The following NTRK3 variants were observed in gnomAD, a reference collection of about 807,000 sequenced individuals.
NTRK3 encodes neurotrophic receptor tyrosine kinase 3.
A neutral mutation model predicts 91.7 loss-of-function variants in NTRK3; 24 were observed. That is an observed-to-expected ratio of 0.26 (90% CI 0.19 to 0.37). NTRK3 has a LOEUF of 0.37. NTRK3 is among the 10% of genes least tolerant of loss of function. The pLI is 1.00. For synonymous variants in NTRK3, 483 were observed against 404.0 expected (o/e 1.20, Z -2.34); for missense variants, 880 against 1,068.9 (o/e 0.82, Z 2.46).
intron 13 of NTRK3, among the ~76,000 whole-genome samples, chr15:88,045,591 C>G (rs2080099529): frequency 6.6e-6 from 1 of 152,216 alleles, no homozygotes; most frequent in African/African-American, 2.4e-5. Context: ...CACAACAAAA[C>G]ACAAACTAGG....
chr15:87,915,845 C>G (rs2067409885), intron 17 of NTRK3, among the ~76,000 whole-genome samples: 1 of 151,850 alleles, frequency 6.6e-6, no homozygotes, highest in Non-Finnish European at 1.5e-5. Flanking sequence ...GATGAGGAAT[C>G]TAAGTCTTAG....
chr15:87,908,559 C>A (rs2066906717), intron 17 of NTRK3: 3 of 399,154 alleles, frequency 7.5e-6, no homozygotes, highest in Non-Finnish European at 1.3e-5. Flanking sequence ...CTGGCATGGC[C>A]CTTCCTGACA....
chr15:88,098,015 G>A (rs1250558283), intron 13 of NTRK3, among the ~76,000 whole-genome samples: 1 of 152,178 alleles, frequency 6.6e-6, no homozygotes, highest in Admixed American at 6.5e-5. Context: ...TGCAAAGGAT[G>A]TTTTATTCTA....
chr15:87,911,817 C>T (rs1405887688), intron 17 of NTRK3, among the ~76,000 whole-genome samples: 4 of 152,126 alleles, frequency 2.6e-5, no homozygotes, highest in Non-Finnish European at 5.9e-5. Flanking sequence ...GAAATGTCTA[C>T]CATATATCAT....
chr15:88,061,594 C>T (rs1241773383), intron 13 of NTRK3, among the ~76,000 whole-genome samples: 1 of 152,240 alleles, frequency 6.6e-6, no homozygotes, highest in Non-Finnish European at 1.5e-5. Context: ...GATGGGCCCA[C>T]GGACACTCAC....
chr15:88,030,122 T>G (rs2078392798), intron 14 of NTRK3, among the ~76,000 whole-genome samples: 1 of 152,216 alleles, frequency 6.6e-6, no homozygotes, highest in Admixed American at 6.5e-5. Context: ...TCTGGAGTCA[T>G]CTCATGATTT....
chr15:88,112,064 G>A (rs991378049), intron 13 of NTRK3, among the ~76,000 whole-genome samples: 3 of 151,950 alleles, frequency 2.0e-5, no homozygotes, highest in South Asian at 2.1e-4. Context: ...CCGCCACCAC[G>A]CCCAGCTAAT....
At position 88,186,325 on chromosome 15, in the gene NTRK3, T is replaced by G. The variant is rs148253645; in HGVS notation, c.249-2026A>C. 1.7e-3 allele frequency among the ~76,000 whole-genome samples: 262 copies of G among 152,316 alleles called. 2 individuals carry two copies. The highest frequency in any genetic ancestry group is 3.0e-3 in the Non-Finnish European group (204 of 68,020). On this transcript the variant is annotated intron_variant, in intron 3 of 18. Transcript: ENST00000394480. ...GTTGAGTTGTCAATCATTACCATGT[T>G]CTCAAGCCTTACCCTTCTCAGCCCT...
At chr15:87,893,988 T>C (rs2065977102) in intron 17 of NTRK3, among the ~76,000 whole-genome samples, 1 of 152,254 alleles carries the variant, frequency 6.6e-6, no homozygotes, top group African/African-American at 2.4e-5. Context: ...CATATGTTAA[T>C]GATAAATGGT....
chr15:88,120,412 C>A (rs150920322), intron 13 of NTRK3, among the ~76,000 whole-genome samples: 2 of 152,182 alleles, frequency 1.3e-5, no homozygotes, highest in South Asian at 2.1e-4. Context: ...AGTGCTCATC[C>A]GCAGGCCCAT....
rs188136319 is a variant in NTRK3, at chr15:88,249,505, G to A, written c.248+6401C>T. On this transcript the variant is annotated intron_variant, in intron 3 of 18. Coordinates refer to ENST00000394480, the Ensembl canonical transcript of NTRK3. ...TGCCCGGGAAGAGAAGTCTTCGAGC[G>A]ACCCAGGGACCCCGGCTGAGTCCCT... Among the ~76,000 whole-genome samples the A allele has an allele frequency of 8.9e-4, 135 of 152,252 alleles. 2 individuals are homozygous for A. The East Asian group carries it at 0.019, about 21-fold the overall frequency.
At chr15:87,891,453 G>A (rs185920897) in intron 17 of NTRK3, among the ~76,000 whole-genome samples, 199 of 152,234 alleles carry the variant, frequency 1.3e-3, no homozygotes, top group African/African-American at 4.6e-3. Context: ...ACAAAACAAG[G>A]TACATTCAAG....
At chr15:87,946,968 GC>G (rs1204095790) in intron 14 of NTRK3, among the ~76,000 whole-genome samples, 1 of 133,790 alleles carries the variant, frequency 7.5e-6, no homozygotes. Context: ...TGCAACCTCC[GC>G]CACACAAGTT....
intron 14 of NTRK3, among the ~76,000 whole-genome samples, chr15:88,029,498 C>A (rs1055667681): frequency 6.6e-6 from 1 of 152,198 alleles, no homozygotes; most frequent in Non-Finnish European, 1.5e-5. Flanking sequence ...AAGAAAAGCA[C>A]ATTTGTGCTT....
intron 5 of NTRK3, among the ~76,000 whole-genome samples, chr15:88,179,883 T>A (rs553771824): frequency 6.6e-6 from 1 of 152,188 alleles, no homozygotes. Context: ...TATTCATCAG[T>A]GTACAATGAA....
chr15:88,038,734 G>T (rs1175473971), intron 13 of NTRK3, among the ~76,000 whole-genome samples: 1 of 151,944 alleles, frequency 6.6e-6, no homozygotes, highest in Non-Finnish European at 1.5e-5. Flanking sequence ...ATTTTAAAAT[G>T]TAAAAAAAAA....
intron 14 of NTRK3, among the ~76,000 whole-genome samples, chr15:87,981,033 G>C (rs1337449308): frequency 2.0e-5 from 3 of 152,256 alleles, no homozygotes; most frequent in South Asian, 2.1e-4. Flanking sequence ...TAGGCCCTAT[G>C]AAGCTTCCTC....
intron 3 of NTRK3, among the ~76,000 whole-genome samples, chr15:88,225,504 G>A (rs931111832): frequency 6.6e-6 from 1 of 152,166 alleles, no homozygotes; most frequent in African/African-American, 2.4e-5. Flanking sequence ...AAAGCAAGCT[G>A]CAGATGAATG....
intron 13 of NTRK3, among the ~76,000 whole-genome samples, chr15:88,068,671 T>G (rs576955380): frequency 2.4e-4 from 37 of 152,264 alleles, no homozygotes; most frequent in African/African-American, 8.9e-4. Flanking sequence ...TGCTGGGGTT[T>G]GCATGGCAGA....
Sources: allele counts gnomAD v4.1 joint callset (sites outside exome capture counted in the v4.1 genomes callset), GRCh38; gene constraint gnomAD v4.1.1; transcripts MANE v1.5; gene names NCBI Gene and HGNC (gene_info 2026-07-23, HGNC 2026-07-21).